Variants in MYO3A observed in about 807,000 individuals in gnomAD.
The protein encoded by MYO3A is myosin IIIA.
In MYO3A, 180 loss-of-function variants were observed where a neutral mutation model predicts 192.7. That is an observed-to-expected ratio of 0.93 (90% CI 0.83 to 1.06). The LOEUF is 1.06. Ranked by LOEUF, MYO3A falls within the 50% of genes least tolerant of loss-of-function variation. MYO3A has a pLI of 0.00. For missense variants in MYO3A, 1,896 were observed against 1,905.0 expected, an observed-to-expected ratio of 1.00 and a Z score of 0.09; for synonymous variants, 628 against 645.3, an observed-to-expected ratio of 0.97 and a Z score of 0.41.
chr10:26,186,226 A>ATACACTTG (rs917818756), intron 31 of MYO3A, among the ~76,000 whole-genome samples: 4 of 151,090 alleles, frequency 2.6e-5, no homozygotes, highest in Non-Finnish European at 5.9e-5. Context: ...ATTTGGGAGC[A>ATACACTTG]TACACTTGTC....
At chr10:26,061,607 A>G (rs1834484313) in intron 10 of MYO3A, among the ~76,000 whole-genome samples, 1 of 152,218 alleles carries the variant, frequency 6.6e-6, no homozygotes, top group Admixed American at 6.5e-5. Flanking sequence ...GGCCCATGAA[A>G]TCCATGCCAA....
chr10:26,087,677 A>G (rs1272279174), intron 14 of MYO3A, among the ~76,000 whole-genome samples: 1 of 152,240 alleles, frequency 6.6e-6, no homozygotes, highest in Non-Finnish European at 1.5e-5. Flanking sequence ...AGGTAGAGCC[A>G]TGTAAGCCTG....
chr10:26,084,475 C>G (rs764605361), intron 14 of MYO3A, among the ~76,000 whole-genome samples: 1 of 151,798 alleles, frequency 6.6e-6, no homozygotes, highest in Non-Finnish European at 1.5e-5. Flanking sequence ...TGAAGGTATT[C>G]CCTCTAGCTC....
intron 4 of MYO3A, among the ~76,000 whole-genome samples, chr10:25,956,827 A>G (rs1837574362): frequency 6.6e-6 from 1 of 151,978 alleles, no homozygotes; most frequent in Non-Finnish European, 1.5e-5. Flanking sequence ...TGTACAGATT[A>G]TTTCATCACC....
chr10:25,997,531 A>G (rs1840529301), intron 6 of MYO3A, among the ~76,000 whole-genome samples: 1 of 152,208 alleles, frequency 6.6e-6, no homozygotes, highest in Non-Finnish European at 1.5e-5. Flanking sequence ...ATCTCAAATG[A>G]TTACTGTAAG....
intron 10 of MYO3A, among the ~76,000 whole-genome samples, chr10:26,027,851 ACT>A (rs1254344782): frequency 1.3e-5 from 2 of 152,020 alleles, no homozygotes; most frequent in Non-Finnish European, 2.9e-5. Flanking sequence ...AATTGTTTTT[ACT>A]CTCTCAAGTA....
In MYO3A at chr10:26,120,680, T is replaced by C. The variant is rs779372993; in HGVS notation, c.1781T>C (p.Leu594Pro). ...FKVIGFTMEQLGSIYSILAAI... is the reference protein window; with the variant it reads ...FKVIGFTMEQPGSIYSILAAI... ...TGTTTCTGTGGTGTGTTTCAGCAAC[T>C]TGGTAGTATATACAGCATACTCGCT... Residue 594 changes from leucine (L) to proline (P), a missense_variant, in exon 18 of 35, where the codon CTT becomes CCT. Physicochemically the swap from Leu to Pro is moderately conservative, Grantham distance 98. Transcript: ENST00000642920. 4 of 1,614,046 alleles carry C rather than the reference T, an allele frequency of 2.5e-6. No individual in the cohort carries two copies.
At chr10:25,990,121 C>T (rs779295245) in intron 4 of MYO3A, among the ~76,000 whole-genome samples, 9 of 152,206 alleles carry the variant, frequency 5.9e-5, no homozygotes, top group South Asian at 2.1e-4. Flanking sequence ...TTTAATATTA[C>T]GTAACTTTGG....
chr10:26,024,062 G>A lies in MYO3A; in HGVS notation c.772G>A (p.Ala258Thr). ...ACTAAGGCAGCCTGAGCTATGGTCA[G>A]CAGAATTCAATGACTTCATAAGCAA... Reference protein sequence around the residue: ...PKLRQPELWSAEFNDFISKCL... With the variant: ...PKLRQPELWSTEFNDFISKCL... Residue 258 changes from alanine to threonine, a missense_variant, in exon 9 of 35, where the codon GCA becomes ACA. By Grantham distance (58) the Ala-to-Thr change is moderately conservative. Transcript: ENST00000642920. 1 of 1,613,022 alleles carries A rather than the reference G, an allele frequency of 6.2e-7. No individual in the cohort carries two copies. Among genetic ancestry groups the A allele is most frequent in the East Asian group, 2.2e-5 (1 of 44,826 alleles).
chr10:25,977,884 G>A (rs1839055431), intron 4 of MYO3A, among the ~76,000 whole-genome samples: 1 of 152,034 alleles, frequency 6.6e-6, no homozygotes, highest in Admixed American at 6.5e-5. Context: ...TCACATACAA[G>A]AGTCTCAGTA....
chr10:26,035,661 T>A (rs981538799), intron 10 of MYO3A, among the ~76,000 whole-genome samples: 6 of 152,282 alleles, frequency 3.9e-5, no homozygotes, highest in Non-Finnish European at 7.4e-5. Context: ...AGAAATTGAA[T>A]CCTGCCTTCT....
At chr10:26,032,324 T>A (rs1052766441) in intron 10 of MYO3A, among the ~76,000 whole-genome samples, 11 of 152,106 alleles carry the variant, frequency 7.2e-5, no homozygotes, top group Non-Finnish European at 1.2e-4. Flanking sequence ...CCAATCAGTG[T>A]TAAAAGTACC....
chr10:26,186,050 A>G (rs988964568), intron 31 of MYO3A, among the ~76,000 whole-genome samples: 1 of 152,126 alleles, frequency 6.6e-6, no homozygotes, highest in African/African-American at 2.4e-5. Flanking sequence ...ATTTTTTGCT[A>G]CCATGAAAAA....
chr10:25,978,291 T>C (rs1839082915), intron 4 of MYO3A, among the ~76,000 whole-genome samples: 1 of 152,212 alleles, frequency 6.6e-6, no homozygotes, highest in Non-Finnish European at 1.5e-5. Flanking sequence ...TACCCAAGAC[T>C]GGGCAATTTA....
intron 4 of MYO3A, among the ~76,000 whole-genome samples, chr10:25,979,421 A>G (rs1564423838): frequency 6.6e-6 from 1 of 151,720 alleles, no homozygotes; most frequent in East Asian, 1.9e-4. Flanking sequence ...CCAAAAAAAA[A>G]AAAAGAAAAC....
intron 32 of MYO3A, among the ~76,000 whole-genome samples, chr10:26,200,656 C>T (rs1175074876): frequency 6.6e-6 from 1 of 152,162 alleles, no homozygotes; most frequent in Non-Finnish European, 1.5e-5. Context: ...TAATGATTTC[C>T]ATATTTGCGT....
At chr10:26,068,986 T>A (rs1455276273) in intron 12 of MYO3A, 102 bp downstream of exon 12, 1 of 792,478 alleles carries the variant, frequency 1.3e-6, no homozygotes, top group East Asian at 2.7e-5. Flanking sequence ...TCCAGTATTT[T>A]GAATAAACAG....
At chr10:26,125,642 A>G (rs1250909939) in intron 19 of MYO3A, 34 bp downstream of exon 19, 3 of 1,538,578 alleles carry the variant, frequency 1.9e-6, no homozygotes, top group Non-Finnish European at 1.8e-6. Flanking sequence ...TTTTTCCCAA[A>G]TGTCAGGTGA....
intron 4 of MYO3A, among the ~76,000 whole-genome samples, chr10:25,995,488 G>T (rs1840368224): frequency 6.6e-6 from 1 of 152,164 alleles, no homozygotes; most frequent in Non-Finnish European, 1.5e-5. Flanking sequence ...ATCCTCTGTA[G>T]CCTTCTTCTC....
Sources: gnomAD v4.1 joint callset for allele counts (sites outside exome capture counted in the v4.1 genomes callset) on GRCh38, gnomAD v4.1.1 for gene constraint, MANE v1.5 for transcripts, NCBI Gene and HGNC (gene_info 2026-07-23, HGNC 2026-07-21) for gene names.